ENTREP2: variants seen among roughly 807,000 people sequenced by gnomAD.
ENTREP2 encodes protein ENTREP2.
the ENTREP2 span, among the ~76,000 whole-genome samples, chr15:29,125,917 C>T: frequency 0.039 from 5,954 of 152,298 alleles, 170 homozygotes; most frequent in Non-Finnish European, 0.062. Flanking sequence ...GCTGATGACA[C>T]CCCCATGCCC....
the ENTREP2 span, among the ~76,000 whole-genome samples, chr15:29,174,552 G>T: frequency 6.6e-6 from 1 of 152,174 alleles, no homozygotes; most frequent in Non-Finnish European, 1.5e-5. Context: ...AGCCGGGCAT[G>T]GTGGCGGGCG....
chr15:29,196,975 C>G, the ENTREP2 span, among the ~76,000 whole-genome samples: 2 of 152,140 alleles, frequency 1.3e-5, no homozygotes, highest in Non-Finnish European at 2.9e-5. Flanking sequence ...TATCAAACTC[C>G]TGCTCATCCA....
the ENTREP2 span, among the ~76,000 whole-genome samples, chr15:29,228,599 T>G: frequency 1.3e-5 from 2 of 152,328 alleles, no homozygotes; most frequent in South Asian, 4.1e-4. Flanking sequence ...TTAGTAAACT[T>G]TATACTGTGT....
At chr15:29,354,875 C>T in the ENTREP2 span, among the ~76,000 whole-genome samples, 7 of 151,998 alleles carry the variant, frequency 4.6e-5, no homozygotes, top group Non-Finnish European at 1.0e-4. Context: ...TTACATTTCC[C>T]CTCATTTTGC....
the ENTREP2 span, among the ~76,000 whole-genome samples, chr15:29,439,027 G>C: frequency 6.6e-6 from 1 of 152,120 alleles, no homozygotes; most frequent in Non-Finnish European, 1.5e-5. Flanking sequence ...TGCTGCAAAT[G>C]ATGAGAACTG....
chr15:29,128,264 C>G, the ENTREP2 span, among the ~76,000 whole-genome samples: 3 of 152,238 alleles, frequency 2.0e-5, no homozygotes, highest in Admixed American at 2.0e-4. Flanking sequence ...CTTAGACCAC[C>G]TCCCCCGCCC....
chr15:29,385,074 T>C, the ENTREP2 span, among the ~76,000 whole-genome samples: 1 of 151,894 alleles, frequency 6.6e-6, no homozygotes, highest in Non-Finnish European at 1.5e-5. Context: ...GCCCATCAGA[T>C]CCCCAAACTA....
the ENTREP2 span, among the ~76,000 whole-genome samples, chr15:29,159,809 C>T: frequency 1.3e-5 from 2 of 152,200 alleles, no homozygotes; most frequent in East Asian, 1.9e-4. Context: ...TATTTATAAT[C>T]CCTTAGCTAG....
At chr15:29,205,293 T>C in the ENTREP2 span, among the ~76,000 whole-genome samples, 1 of 152,148 alleles carries the variant, frequency 6.6e-6, no homozygotes, top group Admixed American at 6.5e-5. Flanking sequence ...GGTGTGCACA[T>C]ATCTATTTGA....
At chr15:29,389,534 T>C in the ENTREP2 span, among the ~76,000 whole-genome samples, 4 of 152,162 alleles carry the variant, frequency 2.6e-5, no homozygotes, top group African/African-American at 9.7e-5. Context: ...TGGAGCCAAG[T>C]TGGAAAACTT....
At chr15:29,159,245 T>C in the ENTREP2 span, among the ~76,000 whole-genome samples, 1 of 151,926 alleles carries the variant, frequency 6.6e-6, no homozygotes. Context: ...CGGTGAGTGT[T>C]ACAGCTCTTA....
At chr15:29,156,263 C>A in the ENTREP2 span, among the ~76,000 whole-genome samples, 3 of 152,072 alleles carry the variant, frequency 2.0e-5, no homozygotes, top group East Asian at 5.8e-4. Flanking sequence ...TGGCTCACTG[C>A]AACTTCCATC....
At chr15:29,542,632 T>C in the ENTREP2 span, among the ~76,000 whole-genome samples, 1 of 152,326 alleles carries the variant, frequency 6.6e-6, no homozygotes, top group East Asian at 1.9e-4. Context: ...GTTACGGTTC[T>C]ACGGCACAAC....
the ENTREP2 span, among the ~76,000 whole-genome samples, chr15:29,284,286 G>A: frequency 2.0e-5 from 3 of 152,054 alleles, no homozygotes; most frequent in East Asian, 3.9e-4. Context: ...GGCCGGGCGC[G>A]GTGGCTCATG....
At chr15:29,513,808 G>A in the ENTREP2 span, among the ~76,000 whole-genome samples, 55 of 152,320 alleles carry the variant, frequency 3.6e-4, no homozygotes, top group South Asian at 0.011. Flanking sequence ...CCACATCTCT[G>A]CAGTATGGCC....
chr15:29,450,847 AG>A, the ENTREP2 span, among the ~76,000 whole-genome samples: 1 of 152,234 alleles, frequency 6.6e-6, no homozygotes, highest in East Asian at 1.9e-4. Context: ...AAATTAATGC[AG>A]GAACAGAAAA....
the ENTREP2 span, among the ~76,000 whole-genome samples, chr15:29,493,323 C>T: frequency 6.7e-6 from 1 of 149,942 alleles, no homozygotes; most frequent in Non-Finnish European, 1.5e-5. Flanking sequence ...TTAGTAGAGA[C>T]GGGGTTTCAC....
chr15:29,578,619 T>C, the ENTREP2 span, among the ~76,000 whole-genome samples: 2 of 152,242 alleles, frequency 1.3e-5, no homozygotes, highest in African/African-American at 4.8e-5. Context: ...AGATTTAAGT[T>C]AGATCATGAA....
chr15:29,128,825 C>T, the ENTREP2 span: 987 of 1,550,876 alleles, frequency 6.4e-4, 1 homozygote, highest in African/African-American at 1.4e-3. Flanking sequence ...TTTGGGTCCC[C>T]GGAGCTGGAC....
Sources: allele counts gnomAD v4.1 joint callset (sites outside exome capture counted in the v4.1 genomes callset), GRCh38; gene constraint gnomAD v4.1.1; transcripts MANE v1.5; gene names NCBI Gene and HGNC (gene_info 2026-07-23, HGNC 2026-07-21).